The following STAU2 variants were observed in gnomAD, a reference collection of about 807,000 sequenced individuals.
STAU2 encodes double-stranded RNA-binding protein Staufen homolog 2.
A neutral mutation model predicts 65.9 loss-of-function variants in STAU2; 20 were observed. The observed-to-expected ratio is 0.30, with a 90% CI of 0.21 to 0.44. The LOEUF is 0.44. STAU2 is among the 20% of genes least tolerant of loss of function. The pLI, the probability that STAU2 is intolerant of heterozygous loss-of-function variation, is 1.00. For missense variants in STAU2, 558 were observed against 683.9 expected (o/e 0.82, Z 2.05); for synonymous variants, 232 against 233.9 (o/e 0.99, Z 0.07).
rs1365202266 is a variant in STAU2 at position 73,746,811 on chromosome 8, C to T, written c.-225G>A. ...CTTGCCGGGGACACTTTGCAGACGG[C>T]TCCAACATTGGCAAACACTACAGAG... On this transcript the variant is annotated 5_prime_UTR_variant, in exon 1 of 15. Coordinates refer to ENST00000524300, the MANE Select transcript of STAU2 (RefSeq NM_001164380.2). 1.6e-5 allele frequency: 20 copies of T among 1,231,898 alleles called. No individual in the cohort carries two copies. Among genetic ancestry groups the T allele is most frequent in the Non-Finnish European group, 1.9e-5 (19 of 986,964 alleles). The allele number at this position is 1,231,898 out of a possible 1,614,324, so 76.3% of individuals were successfully genotyped here. A position where few individuals can be genotyped will look rare whatever the true frequency, so the allele number is the denominator to read the frequency against.
At chr8:73,688,579 G>A (rs1371147344) in intron 5 of STAU2, 75 bp downstream of exon 5, 2 of 1,523,062 alleles carry the variant, frequency 1.3e-6, no homozygotes, top group Non-Finnish European at 1.8e-6. Flanking sequence ...TCTGTTACTA[G>A]CCTACTATAA....
chr8:73,697,934 G>A lies in STAU2; in HGVS notation c.115-9121C>T, dbSNP rs2130582699. The stretch of plus-strand genomic sequence containing the variant: ...ATCTCTACTAAAAATACAAAAATTA[G>A]CCAGGTGTGGTGGTGCACACATGTA... On this transcript the variant is annotated intron_variant, in intron 4 of 14. Transcript: ENST00000524300. 2.0e-5 allele frequency among the ~76,000 whole-genome samples: 3 copies of A among 152,072 alleles called. 1 individual carries two copies. The highest frequency in any genetic ancestry group is 7.2e-5 in the African/African-American group (3 of 41,480).
chr8:73,643,088 T>A (rs1295642045), intron 6 of STAU2, among the ~76,000 whole-genome samples: 1 of 152,194 alleles, frequency 6.6e-6, no homozygotes, highest in Non-Finnish European at 1.5e-5. Context: ...GACATGTCTA[T>A]CCCCGAAGTC....
intron 12 of STAU2, among the ~76,000 whole-genome samples, chr8:73,562,077 G>C (rs927436838): frequency 2.6e-5 from 4 of 152,198 alleles, no homozygotes; most frequent in Non-Finnish European, 5.9e-5. Context: ...TTAGATTCTT[G>C]AAATATTCTA....
At chr8:73,458,943 T>C (rs1215874041) in intron 13 of STAU2, among the ~76,000 whole-genome samples, 2 of 152,244 alleles carry the variant, frequency 1.3e-5, no homozygotes, top group African/African-American at 2.4e-5. Context: ...AGGGCCACAC[T>C]AGAGTTTCGT....
At chr8:73,744,311 T>C (rs1466135898) in intron 1 of STAU2, among the ~76,000 whole-genome samples, 4 of 152,150 alleles carry the variant, frequency 2.6e-5, no homozygotes, top group African/African-American at 7.2e-5. Context: ...TATATCTATA[T>C]GTGAATAATC....
chr8:73,458,059 A>C lies in STAU2; in HGVS notation c.1531-35357T>G, dbSNP rs1034441550. Among the ~76,000 whole-genome samples the C allele has an allele frequency of 2.0e-5, 3 of 152,220 alleles. No homozygotes were observed. In the South Asian group the frequency reaches 6.2e-4, roughly 32 times the overall value. On this transcript the variant is annotated intron_variant, in intron 13 of 14. Transcript: ENST00000524300. ...TATATGGACATACTAAGGCACACTAACACCAACCTGCTGAATATCACTCCC... is the reference window on the plus strand; with the variant it reads ...TATATGGACATACTAAGGCACACTACCACCAACCTGCTGAATATCACTCCC...
At chr8:73,441,832 G>T (rs934608942) in intron 13 of STAU2, among the ~76,000 whole-genome samples, 1 of 152,214 alleles carries the variant, frequency 6.6e-6, no homozygotes, top group East Asian at 1.9e-4. Flanking sequence ...TAAGTATTAT[G>T]TGTCTCTAAT....
At chr8:73,609,497 C>CA (rs1312176293) in intron 9 of STAU2, among the ~76,000 whole-genome samples, 9 of 151,500 alleles carry the variant, frequency 5.9e-5, no homozygotes, top group East Asian at 3.9e-4. Flanking sequence ...ACTAAAAATA[C>CA]AAAAAAATTA....
intron 1 of STAU2, 116 bp from the exon 2 acceptor site, chr8:73,739,984 T>C (rs1315148976): frequency 4.9e-6 from 3 of 614,168 alleles, no homozygotes; most frequent in African/African-American, 1.9e-5. Flanking sequence ...GATGCCAAAC[T>C]GTGGTGCCCT....
At chr8:73,651,479 A>G (rs1815872844) in intron 6 of STAU2, 2 of 690,696 alleles carry the variant, frequency 2.9e-6, no homozygotes, top group African/African-American at 3.5e-5. Context: ...CCAGCTGAAC[A>G]GCCTCTTCTC....
chr8:73,642,239 T>C (rs1189029410), intron 6 of STAU2, among the ~76,000 whole-genome samples: 2 of 152,188 alleles, frequency 1.3e-5, no homozygotes, highest in Non-Finnish European at 2.9e-5. Flanking sequence ...AAAACTTTCA[T>C]CTTTGCCAGG....
chr8:73,591,287 T>C (rs550050400), intron 11 of STAU2, among the ~76,000 whole-genome samples: 4 of 151,170 alleles, frequency 2.6e-5, no homozygotes, highest in East Asian at 1.9e-4. Context: ...GTGACCACAA[T>C]AGAGGTCAAA....
At chr8:73,695,215 TAAG>T (rs1469090506) in intron 4 of STAU2, among the ~76,000 whole-genome samples, 1 of 152,020 alleles carries the variant, frequency 6.6e-6, no homozygotes, top group Non-Finnish European at 1.5e-5. Flanking sequence ...TCCTTCTGCT[TAAG>T]GAGAGGAGAG....
chr8:73,709,681 T>A (rs1471062562), intron 3 of STAU2, among the ~76,000 whole-genome samples: 2 of 152,116 alleles, frequency 1.3e-5, no homozygotes, highest in East Asian at 3.9e-4. Flanking sequence ...TAACTCCCCT[T>A]TCTGTTTTTT....
chr8:73,655,382 C>A (rs1388424576), intron 6 of STAU2, among the ~76,000 whole-genome samples: 1 of 152,102 alleles, frequency 6.6e-6, no homozygotes, highest in African/African-American at 2.4e-5. Flanking sequence ...CTGTTAAATA[C>A]AACAGAAATT....
intron 9 of STAU2, among the ~76,000 whole-genome samples, chr8:73,612,670 T>C (rs1812560318): frequency 6.6e-6 from 1 of 152,174 alleles, no homozygotes; most frequent in Non-Finnish European, 1.5e-5. Flanking sequence ...TATTTTTGTA[T>C]ATATGTATAT....
At chr8:73,643,322 A>C (rs1815131855) in intron 6 of STAU2, among the ~76,000 whole-genome samples, 1 of 152,220 alleles carries the variant, frequency 6.6e-6, no homozygotes, top group Non-Finnish European at 1.5e-5. Context: ...GTACTCCGTT[A>C]AGTATTACCA....
intron 13 of STAU2, among the ~76,000 whole-genome samples, chr8:73,495,816 T>C (rs990327847): frequency 3.3e-5 from 5 of 151,356 alleles, no homozygotes; most frequent in African/African-American, 1.2e-4. Flanking sequence ...CAACAATTGA[T>C]TCATACAGTT....
Sources: gnomAD v4.1 joint callset for allele counts (sites outside exome capture counted in the v4.1 genomes callset) on GRCh38, gnomAD v4.1.1 for gene constraint, MANE v1.5 for transcripts, NCBI Gene and HGNC (gene_info 2026-07-23, HGNC 2026-07-21) for gene names.